The following SIK2 variants were observed in gnomAD, a reference collection of about 807,000 sequenced individuals.
SIK2 encodes serine/threonine-protein kinase SIK2.
A neutral mutation model predicts 103.2 loss-of-function variants in SIK2; 29 were observed. The observed-to-expected ratio is 0.28, with a 90% CI of 0.21 to 0.38. SIK2 has a LOEUF of 0.38. SIK2 is among the 10% of genes least tolerant of loss of function. The pLI, the probability that SIK2 is intolerant of heterozygous loss-of-function variation, is 1.00. For synonymous variants in SIK2, 412 were observed against 446.1 expected (o/e 0.92, Z 0.96); for missense variants, 879 against 1,171.0 (o/e 0.75, Z 3.64).
intron 3 of SIK2, among the ~76,000 whole-genome samples, chr11:111,655,151 C>T (rs1358121352): frequency 6.6e-6 from 1 of 152,174 alleles, no homozygotes; most frequent in African/African-American, 2.4e-5. Flanking sequence ...CCTGTGATCC[C>T]AGCACTTTGG....
intron 1 of SIK2, among the ~76,000 whole-genome samples, chr11:111,607,108 G>T (rs1941659085): frequency 6.6e-6 from 1 of 152,126 alleles, no homozygotes; most frequent in African/African-American, 2.4e-5. Flanking sequence ...CTTAGCTAAA[G>T]AGCATGTAAA....
intron 4 of SIK2, among the ~76,000 whole-genome samples, chr11:111,695,061 C>T (rs560183292): frequency 1.2e-4 from 18 of 152,236 alleles, no homozygotes; most frequent in Non-Finnish European, 1.9e-4. Flanking sequence ...CAGTGTTGGC[C>T]GATCCACATT....
chr11:111,641,543 C>A (rs1942183222), intron 3 of SIK2, among the ~76,000 whole-genome samples: 1 of 152,110 alleles, frequency 6.6e-6, no homozygotes, highest in Non-Finnish European at 1.5e-5. Context: ...ATATTTTCTG[C>A]TTTTGTTTAC....
At chr11:111,639,403 G>C (rs1942152130) in intron 3 of SIK2, among the ~76,000 whole-genome samples, 1 of 152,136 alleles carries the variant, frequency 6.6e-6, no homozygotes, top group African/African-American at 2.4e-5. Flanking sequence ...GCATGCTTGG[G>C]ATGCCTGTGC....
At chr11:111,609,815 T>C (rs1351484854) in intron 1 of SIK2, among the ~76,000 whole-genome samples, 1 of 152,228 alleles carries the variant, frequency 6.6e-6, no homozygotes, top group Non-Finnish European at 1.5e-5. Flanking sequence ...AATCAAATGA[T>C]AGGCTAGTAG....
chr11:111,677,558 C>T (rs1942719641), intron 3 of SIK2, among the ~76,000 whole-genome samples: 1 of 150,472 alleles, frequency 6.6e-6, no homozygotes, highest in African/African-American at 2.4e-5. Context: ...GCTGAGATTA[C>T]AGGCGTGTGC....
chr11:111,622,236 G>A (rs1412494696), intron 3 of SIK2, among the ~76,000 whole-genome samples: 1 of 141,418 alleles, frequency 7.1e-6, no homozygotes, highest in Non-Finnish European at 1.5e-5. Context: ...TTGTCTGAAG[G>A]ATTTTCTTTT....
At chr11:111,707,403 G>A (rs747341570) in intron 8 of SIK2, among the ~76,000 whole-genome samples, 1 of 152,154 alleles carries the variant, frequency 6.6e-6, no homozygotes, top group Admixed American at 6.5e-5. Context: ...ATACATAAAC[G>A]TGACTTCTTA....
chr11:111,652,750 C>T (rs940888357), intron 3 of SIK2, among the ~76,000 whole-genome samples: 1 of 152,122 alleles, frequency 6.6e-6, no homozygotes, highest in Non-Finnish European at 1.5e-5. Flanking sequence ...ATTTAACCCT[C>T]ACATAGGTGG....
At chr11:111,666,943 T>TTTA (rs1555030142) in intron 3 of SIK2, among the ~76,000 whole-genome samples, 3 of 145,466 alleles carry the variant, frequency 2.1e-5, no homozygotes, top group African/African-American at 7.7e-5. Flanking sequence ...TTTTATTTTA[T>TTTA]TTTATTTATT....
intron 4 of SIK2, among the ~76,000 whole-genome samples, chr11:111,690,248 T>C (rs1942913012): frequency 6.6e-6 from 1 of 150,610 alleles, no homozygotes; most frequent in Non-Finnish European, 1.5e-5. Context: ...TGCCCTAAAA[T>C]TGTCTTTTTC....
At chr11:111,662,155 T>C (rs776372119) in intron 3 of SIK2, among the ~76,000 whole-genome samples, 17 of 152,160 alleles carry the variant, frequency 1.1e-4, no homozygotes, top group Non-Finnish European at 2.2e-4. Flanking sequence ...GTAATGTATA[T>C]AGGATGATTG....
rs151018128 is a variant in SIK2 at position 111,609,119 on chromosome 11, A to G, written c.135+6421A>G. Among the ~76,000 whole-genome samples the G allele has an allele frequency of 3.2e-3, 479 of 148,040 alleles. 9 individuals are homozygous for G. The highest frequency in any genetic ancestry group is 0.012 in the African/African-American group (440 of 38,016). On this transcript the variant is annotated intron_variant, in intron 1 of 14. Transcript: ENST00000304987. ...ATGATGATTTGCATTCCTTTTATAA[A>G]TTTTTTTGTCCTTTGACCCATTTAA...
chr11:111,703,465 A>G (rs752722194), intron 7 of SIK2, 42 bp downstream of exon 7: 1 of 1,577,592 alleles, frequency 6.3e-7, no homozygotes, highest in East Asian at 2.2e-5. Context: ...GCACTTAGCT[A>G]CTTGAAATTT....
intron 3 of SIK2, among the ~76,000 whole-genome samples, chr11:111,674,006 G>A (rs954032467): frequency 6.6e-6 from 1 of 151,508 alleles, no homozygotes; most frequent in South Asian, 2.1e-4. Context: ...CCCGCGAGAC[G>A]GAGGTTGCAG....
intron 1 of SIK2, among the ~76,000 whole-genome samples, chr11:111,613,841 CT>C (rs1435410701): frequency 6.6e-6 from 1 of 152,048 alleles, no homozygotes; most frequent in Non-Finnish European, 1.5e-5. Flanking sequence ...CGGATTTCCC[CT>C]GGGAAGCTTG....
At chr11:111,635,434 G>A (rs1942095896) in intron 3 of SIK2, among the ~76,000 whole-genome samples, 1 of 117,524 alleles carries the variant, frequency 8.5e-6, no homozygotes. Context: ...GGGGGAGGAA[G>A]GAAGGAAGGG....
intron 3 of SIK2, among the ~76,000 whole-genome samples, chr11:111,629,380 A>G (rs1473419355): frequency 6.6e-6 from 1 of 152,198 alleles, no homozygotes; most frequent in Non-Finnish European, 1.5e-5. Flanking sequence ...TAGTAATTAT[A>G]CTTTAGCACC....
intron 3 of SIK2, among the ~76,000 whole-genome samples, chr11:111,673,815 C>A (rs540334160): frequency 7.6e-4 from 115 of 152,106 alleles, no homozygotes; most frequent in Admixed American, 3.6e-3. Flanking sequence ...TGGTTCACAC[C>A]TGTAATCCTA....
Sources: allele counts gnomAD v4.1 joint callset (sites outside exome capture counted in the v4.1 genomes callset), GRCh38; gene constraint gnomAD v4.1.1; transcripts MANE v1.5; gene names NCBI Gene and HGNC (gene_info 2026-07-23, HGNC 2026-07-21).